MGA: variants seen among roughly 807,000 people sequenced by gnomAD.
MGA encodes MAX gene-associated protein.
A neutral mutation model predicts 261.1 loss-of-function variants in MGA; 40 were observed. The observed-to-expected ratio is 0.15, with a 90% CI of 0.12 to 0.20. The LOEUF is 0.20. Ranked by LOEUF, MGA falls within the 10% of genes least tolerant of loss-of-function variation. MGA has a pLI of 1.00. For synonymous variants in MGA, 1,302 were observed against 1,290.6 expected (o/e 1.01, Z -0.19); for missense variants, 3,397 against 3,630.5 (o/e 0.94, Z 1.65).
intron 9 of MGA, among the ~76,000 whole-genome samples, chr15:41,716,243 C>T (rs188439876): frequency 7.3e-5 from 11 of 151,020 alleles, no homozygotes; most frequent in East Asian, 3.9e-4. Flanking sequence ...GTCAGGAGAT[C>T]GAGACTGTCC....
At position 41,698,836 on chromosome 15, in the gene MGA, CTATT is replaced by C; in HGVS notation, c.2014-25_2014-22del. Reference sequence around the variant, plus strand: ...AAGTTTTCAGAAGCAATATGAACTACTATTTTTTTTTTTTTTTGATGTATAGGAA... The same window carrying C: ...AAGTTTTCAGAAGCAATATGAACTACTTTTTTTTTTTTTGATGTATAGGAA... On this transcript the variant is annotated intron_variant, in intron 3 of 23. Transcript: ENST00000219905. 3.0e-6 allele frequency: 4 copies of C among 1,341,804 alleles called. No homozygotes were observed. In the African/African-American group the frequency reaches 4.6e-5, roughly 15 times the overall value. The allele number at this position is 1,341,804 out of a possible 1,614,324, so 83.1% of individuals were successfully genotyped here.
chr15:41,656,338 CCTCTCTTCTCTCTCTCTCT>C (rs1595581446), upstream of MGA, among the ~76,000 whole-genome samples: 1 of 54,546 alleles, frequency 1.8e-5, no homozygotes, highest in Non-Finnish European at 4.9e-5. Flanking sequence ...CTCTCCCTCT[CCTCTCTTCTCTCTCTCTCT>C]CTCTCTCTCT....
Position 41,767,111 on chromosome 15 carries a change from T to C in MGA, c.9029T>C (p.Val3010Ala). The change falls in exon 24 of 24, where the codon GTG becomes GCG. Residue 3010 changes from valine to alanine, a missense_variant. Val to Ala is a moderately conservative substitution (Grantham distance 64). This residue lies in a region of MGA where 647 missense variants were observed against 642.4 expected (regional missense o/e 1.01). Transcript: ENST00000219905. ...GATGCAGATGGTCAGAGTCTCAAGG[T>C]GATGCCTTGTTTGGCACCTATAGCT... 6.2e-7 allele frequency: 1 copy of C among 1,613,978 alleles called. No homozygotes were observed. The highest frequency in any genetic ancestry group is 1.6e-4 in the Middle Eastern group (1 of 6,062).
In MGA at chr15:41,682,306, G is replaced by A. The variant is rs139830247; in HGVS notation, c.1064+12348G>A. ...ATGTGCATACACATATTCATCTATT[G>A]AAAGTAAATTTTTGTGTGTACCTCC... On this transcript the variant is annotated intron_variant, in intron 2 of 23. Coordinates refer to ENST00000219905, the MANE Select transcript of MGA (RefSeq NM_001164273.2). Among the ~76,000 whole-genome samples the A allele has an allele frequency of 4.1e-3, 621 of 151,966 alleles. 4 individuals are homozygous for A. The highest frequency in any genetic ancestry group is 0.014 in the African/African-American group (592 of 41,504).
chr15:41,741,487 G>A (rs889371160), intron 14 of MGA, among the ~76,000 whole-genome samples: 13 of 151,902 alleles, frequency 8.6e-5, no homozygotes, highest in African/African-American at 1.5e-4. Flanking sequence ...TATGTAATAC[G>A]TAAGCATCTC....
chr15:41,674,457 C>T (rs973140800), intron 2 of MGA, among the ~76,000 whole-genome samples: 2 of 152,114 alleles, frequency 1.3e-5, no homozygotes, highest in Admixed American at 1.3e-4. Flanking sequence ...CTCAGCCTCC[C>T]AAAGTGTTAG....
chr15:41,696,514 T>A lies in MGA; in HGVS notation c.1504T>A (p.Leu502Met), dbSNP rs372134334. 5.6e-6 allele frequency: 9 copies of A among 1,613,916 alleles called. No homozygotes were observed. The highest frequency in any genetic ancestry group is 7.6e-6 in the Non-Finnish European group (9 of 1,179,908). ...ATCTCGAAAGGATAAATCTTCTATG[T>A]TGGCAGAATTGGAATATTTGCCTAC... is the stretch of plus-strand genomic sequence containing the variant. Residue 502 changes from leucine (L) to methionine (M), a missense_variant, in exon 3 of 24, where the codon TTG (leucine) becomes ATG (methionine). Leu to Met is a conservative substitution (Grantham distance 15, BLOSUM62 2). Coordinates refer to ENST00000219905, the MANE Select transcript of MGA (RefSeq NM_001164273.2).
In MGA at chr15:41,727,191, A is replaced by G. The variant is rs548212621; in HGVS notation, c.3442A>G (p.Thr1148Ala). 10 of 1,613,422 alleles carry G rather than the reference A, an allele frequency of 6.2e-6. No homozygotes were observed. In the South Asian group the frequency reaches 8.8e-5, roughly 14 times the overall value. ...TCTTTTTTGTTAAGCTATATGTGAG[A>G]CAGAGCCTGAACAGCCTGTTCGACA... The change falls in exon 10 of 24, where the codon ACA becomes GCA. Residue 1148 changes from threonine (T) to alanine (A), a missense_variant. By Grantham distance (58) the Thr-to-Ala change is moderately conservative. Transcript: ENST00000219905.
At chr15:41,667,670 A>T (rs1311294249) in intron 1 of MGA, among the ~76,000 whole-genome samples, 1 of 152,188 alleles carries the variant, frequency 6.6e-6, no homozygotes, top group Admixed American at 6.5e-5. Flanking sequence ...GTGAGTCACC[A>T]TGTCCAGCCC....
rs185559331 is a variant in MGA, at chr15:41,640,467, T to C, written c.-68+19169T>C. 2.6e-5 allele frequency among the ~76,000 whole-genome samples: 4 copies of C among 152,306 alleles called. No homozygotes were observed. The East Asian group carries it at 7.7e-4, about 29-fold the overall frequency. On this transcript the variant is annotated intron_variant, in intron 1 of 8. Coordinates refer to the MGA transcript ENST00000566718. The stretch of plus-strand genomic sequence containing the variant: ...ATCGTTGATGTAAGATTGTACATCA[T>C]TTGAACCTTAGTTTTGTGACATTAG...
rs762039202 is a variant in MGA at position 41,766,130 on chromosome 15, A to G, written c.8048A>G (p.His2683Arg). Residue 2683 changes from histidine to arginine, a missense_variant, in exon 24 of 24, where the codon CAT becomes CGT. By Grantham distance (29) the His-to-Arg change is conservative. Around this residue, in one of 9 missense-constraint regions of MGA, gnomAD observed 647 missense variants for 642.4 expected, o/e 1.01. Coordinates refer to ENST00000219905, the MANE Select transcript of MGA (RefSeq NM_001164273.2). The stretch of plus-strand genomic sequence containing the variant: ...GTTCCTGATAGCAAGCCATCTGACC[A>G]TCTGAAAGACACCGTCAGGAATGAA... 1.9e-6 allele frequency: 3 copies of G among 1,613,914 alleles called. No individual in the cohort carries two copies. The highest frequency in any genetic ancestry group is 8.5e-7 in the Non-Finnish European group (1 of 1,179,898).
intron 3 of MGA, among the ~76,000 whole-genome samples, chr15:41,698,036 T>G (rs1380958433): frequency 1.3e-5 from 2 of 149,984 alleles, no homozygotes; most frequent in Non-Finnish European, 3.0e-5. Context: ...GCCCGGCTAA[T>G]TTTTTTTGTA....
intron 1 of MGA, among the ~76,000 whole-genome samples, chr15:41,667,020 G>A (rs895690570): frequency 6.6e-6 from 1 of 152,226 alleles, no homozygotes; most frequent in Non-Finnish European, 1.5e-5. Flanking sequence ...AACTGCTTAG[G>A]GGAGAATGCT....
At chr15:41,743,963 A>G (rs978306694) in intron 15 of MGA, among the ~76,000 whole-genome samples, 8 of 152,144 alleles carry the variant, frequency 5.3e-5, no homozygotes, top group Non-Finnish European at 8.8e-5. Flanking sequence ...CTTTTAATCT[A>G]CTCATAGAGG....
At chr15:41,761,153 C>T (rs1003160110) in intron 20 of MGA, among the ~76,000 whole-genome samples, 2 of 152,180 alleles carry the variant, frequency 1.3e-5, no homozygotes, top group Non-Finnish European at 2.9e-5. Context: ...ACCACATTCT[C>T]GTTACATTGG....
intron 5 of MGA, among the ~76,000 whole-genome samples, chr15:41,705,599 C>T (rs1269653687): frequency 1.3e-5 from 2 of 151,770 alleles, no homozygotes; most frequent in African/African-American, 2.4e-5. Context: ...CGGGCTCAAC[C>T]AGTCCTTCCT....
At chr15:41,680,230 T>C (rs187594119) in intron 2 of MGA, among the ~76,000 whole-genome samples, 69 of 152,336 alleles carry the variant, frequency 4.5e-4, no homozygotes, top group Non-Finnish European at 8.2e-4. Flanking sequence ...GTCTCTTGAG[T>C]ATATTGCTCA....
intron 9 of MGA, among the ~76,000 whole-genome samples, chr15:41,719,133 A>G (rs1288961871): frequency 6.6e-6 from 1 of 152,258 alleles, no homozygotes; most frequent in Non-Finnish European, 1.5e-5. Context: ...GATTAAAAAA[A>G]TACCATTTAA....
chr15:41,721,352 CA>C, intron 9 of MGA, among the ~76,000 whole-genome samples: 1 of 152,178 alleles, frequency 6.6e-6, no homozygotes, highest in Non-Finnish European at 1.5e-5. Context: ...CCTCTAATCC[CA>C]GCTACTCAGG....
Sources: allele counts gnomAD v4.1 joint callset (sites outside exome capture counted in the v4.1 genomes callset), GRCh38; gene constraint gnomAD v4.1.1; regional missense constraint gnomAD v4.1.1; transcripts MANE v1.5; gene names NCBI Gene and HGNC (gene_info 2026-07-23, HGNC 2026-07-21).